The following GPC5 variants were observed in gnomAD, a reference collection of about 807,000 sequenced individuals.
The protein encoded by GPC5 is glypican 5.
A neutral mutation model predicts 53.9 loss-of-function variants in GPC5; 47 were observed. The observed-to-expected ratio is 0.87, with a 90% CI of 0.69 to 1.11. The LOEUF is 1.11. Ranked by LOEUF, GPC5 falls within the 50% of genes most tolerant of loss-of-function variation. The probability of loss-of-function intolerance (pLI) is 0.00; values close to 1 mark genes in which losing one functional copy is unlikely to be tolerated. For missense variants in GPC5, 748 were observed against 713.1 expected (o/e 1.05, Z -0.56); for synonymous variants, 286 against 263.3 (o/e 1.09, Z -0.84).
intron 7 of GPC5, among the ~76,000 whole-genome samples, chr13:92,595,214 C>T (rs1445124515): frequency 6.6e-6 from 1 of 152,088 alleles, no homozygotes; most frequent in Non-Finnish European, 1.5e-5. Context: ...CTTTATGCCC[C>T]CCTTTTTCAA....
chr13:92,527,247 A>AAGAAAGAG (rs1881384571), intron 7 of GPC5, among the ~76,000 whole-genome samples: 1 of 28,828 alleles, frequency 3.5e-5, no homozygotes. Context: ...GAAAGAAAGA[A>AAGAAAGAG]AGAGAAAGAA....
chr13:92,257,639 C>A (rs2042736950), intron 7 of GPC5, among the ~76,000 whole-genome samples: 1 of 146,780 alleles, frequency 6.8e-6, no homozygotes, highest in African/African-American at 2.5e-5. Context: ...CAACCTCCGC[C>A]TCCTGGGTTC....
intron 3 of GPC5, among the ~76,000 whole-genome samples, chr13:91,725,951 A>G (rs1053074027): frequency 1.3e-5 from 2 of 152,048 alleles, no homozygotes; most frequent in African/African-American, 4.8e-5. Context: ...TTGCTTCTTT[A>G]TTTCAAACTG....
chr13:92,425,351 CCACCTCTACCCTCTCT>C (rs1255682963), intron 7 of GPC5, among the ~76,000 whole-genome samples: 1 of 151,950 alleles, frequency 6.6e-6, no homozygotes, highest in Non-Finnish European at 1.5e-5. Context: ...CTACCCTCTC[CCACCTCTACCCTCTCT>C]AAAAATTATG....
intron 7 of GPC5, among the ~76,000 whole-genome samples, chr13:92,532,572 C>CT (rs1232073806): frequency 6.6e-6 from 1 of 152,126 alleles, no homozygotes; most frequent in Non-Finnish European, 1.5e-5. Context: ...GGCACCAATT[C>CT]TTTTTTTCAC....
At chr13:92,034,692 C>T (rs2040879367) in intron 6 of GPC5, among the ~76,000 whole-genome samples, 1 of 151,928 alleles carries the variant, frequency 6.6e-6, no homozygotes, top group East Asian at 1.9e-4. Context: ...ATTTCATGTC[C>T]TCTCCTGTTT....
At chr13:91,837,975 C>A (rs967154968) in intron 5 of GPC5, among the ~76,000 whole-genome samples, 1 of 152,024 alleles carries the variant, frequency 6.6e-6, no homozygotes, top group Non-Finnish European at 1.5e-5. Context: ...TGAAGCAGAG[C>A]AGCAGATGTC....
Position 91,693,519 on chromosome 13 carries a change from C to A in GPC5, c.658C>A (p.Leu220Met), listed in dbSNP as rs1313722543. 6.2e-7 allele frequency: 1 copy of A among 1,614,106 alleles called. No individual in the cohort carries two copies. The highest frequency in any genetic ancestry group is 2.2e-5 in the East Asian group (1 of 44,846). The change falls in exon 3 of 8, where the codon CTG becomes ATG. Residue 220 changes from leucine (L) to methionine (M), a missense_variant. By Grantham distance (15) the Leu-to-Met change is conservative (BLOSUM62 2). Coordinates refer to ENST00000377067, the MANE Select transcript of GPC5 (RefSeq NM_004466.6). ...RVMGQMGRSL[L>M]PSRTFLQALN... ...AATGGGACAGATGGGGAGGTCCCTG[C>A]TGCCCAGCCGCACTTTTCTGCAGGC... is the stretch of plus-strand genomic sequence containing the variant.
chr13:92,599,187 TTATAA>T (rs898371059), intron 7 of GPC5, among the ~76,000 whole-genome samples: 3 of 152,202 alleles, frequency 2.0e-5, no homozygotes, highest in Non-Finnish European at 4.4e-5. Flanking sequence ...ACCTTATTGC[TTATAA>T]TATAATGAGA....
At chr13:91,942,096 G>A (rs1037126183) in intron 6 of GPC5, among the ~76,000 whole-genome samples, 4 of 152,000 alleles carry the variant, frequency 2.6e-5, no homozygotes, top group Non-Finnish European at 4.4e-5. Flanking sequence ...CAAATTTCAA[G>A]TATACAATAC....
intron 6 of GPC5, among the ~76,000 whole-genome samples, chr13:91,959,383 G>A (rs2040105941): frequency 1.3e-5 from 2 of 151,902 alleles, no homozygotes; most frequent in East Asian, 3.9e-4. Flanking sequence ...AATGAGTGAT[G>A]AGACTCAGTC....
chr13:92,030,466 A>G (rs2040832242), intron 6 of GPC5, among the ~76,000 whole-genome samples: 1 of 152,204 alleles, frequency 6.6e-6, no homozygotes, highest in African/African-American at 2.4e-5. Flanking sequence ...TTTCCAGATT[A>G]GAAACAAACA....
chr13:91,457,324 G>T (rs1358540454), intron 2 of GPC5, among the ~76,000 whole-genome samples: 3 of 151,948 alleles, frequency 2.0e-5, no homozygotes, highest in South Asian at 4.1e-4. Context: ...GATGGTTAGT[G>T]ACCACATTAA....
intron 7 of GPC5, among the ~76,000 whole-genome samples, chr13:92,576,547 C>A (rs544761445): frequency 6.6e-6 from 1 of 152,110 alleles, no homozygotes; most frequent in African/African-American, 2.4e-5. Flanking sequence ...TAAATATCCT[C>A]CTTTGATGTC....
At chr13:92,450,430 T>C (rs1377693339) in intron 7 of GPC5, among the ~76,000 whole-genome samples, 1 of 152,168 alleles carries the variant, frequency 6.6e-6, no homozygotes, top group East Asian at 1.9e-4. Flanking sequence ...GTATTTTTAA[T>C]ATTTTTGTGG....
chr13:92,405,912 G>T (rs900861793), intron 7 of GPC5, among the ~76,000 whole-genome samples: 9 of 152,286 alleles, frequency 5.9e-5, no homozygotes, highest in African/African-American at 1.9e-4. Flanking sequence ...TTATTCTTCT[G>T]TGGTATCCTT....
chr13:91,865,595 A>AT (rs1345792290), intron 5 of GPC5, among the ~76,000 whole-genome samples: 1 of 152,046 alleles, frequency 6.6e-6, no homozygotes, highest in Admixed American at 6.6e-5. Flanking sequence ...CTAACGTCAC[A>AT]TTTTTTTTAA....
At chr13:91,765,146 A>G (rs1288099261) in intron 5 of GPC5, among the ~76,000 whole-genome samples, 2 of 152,224 alleles carry the variant, frequency 1.3e-5, no homozygotes, top group Non-Finnish European at 2.9e-5. Flanking sequence ...CTTCTGCTAC[A>G]AGAATGGGCT....
intron 5 of GPC5, among the ~76,000 whole-genome samples, chr13:91,810,689 G>A (rs1008177728): frequency 6.6e-5 from 10 of 151,816 alleles, no homozygotes; most frequent in Admixed American, 1.3e-4. Flanking sequence ...GTAGACGGAT[G>A]ATTGAACCAA....
Sources: gnomAD v4.1 joint callset for allele counts (sites outside exome capture counted in the v4.1 genomes callset) on GRCh38, gnomAD v4.1.1 for gene constraint, MANE v1.5 for transcripts, NCBI Gene and HGNC (gene_info 2026-07-23, HGNC 2026-07-21) for gene names.